Variants in MACROD2 observed in about 807,000 individuals in gnomAD.
MACROD2 encodes the protein mono-ADP ribosylhydrolase 2.
In MACROD2, 36 loss-of-function variants were observed where a neutral mutation model predicts 70.4. That is an observed-to-expected ratio of 0.51 (90% confidence interval 0.39 to 0.68). MACROD2 has a LOEUF of 0.68. MACROD2 is among the 30% of genes least tolerant of loss of function. The pLI is 0.00. For synonymous variants in MACROD2, 172 were observed against 178.8 expected (o/e 0.96, Z 0.30); for missense variants, 496 against 538.4 (o/e 0.92, Z 0.78).
intron 3 of MACROD2, among the ~76,000 whole-genome samples, chr20:14,173,028 T>G (rs2148725546): frequency 6.6e-6 from 1 of 152,284 alleles, no homozygotes. Context: ...ATCTGGTAGG[T>G]TTTCTTTTAT....
intron 15 of MACROD2, among the ~76,000 whole-genome samples, chr20:16,025,195 G>A (rs751387796): frequency 1.3e-5 from 2 of 152,170 alleles, no homozygotes; most frequent in Non-Finnish European, 2.9e-5. Flanking sequence ...GAGGTTAAAT[G>A]TCAGTAGCTA....
intron 6 of MACROD2, among the ~76,000 whole-genome samples, chr20:15,336,417 T>C (rs189849515): frequency 4.0e-4 from 61 of 151,562 alleles, no homozygotes; most frequent in South Asian, 1.7e-3. Flanking sequence ...TGATCTTTTG[T>C]TTACTGTAAA....
intron 7 of MACROD2, among the ~76,000 whole-genome samples, chr20:15,443,782 T>C (rs1172630334): frequency 2.0e-5 from 3 of 152,102 alleles, no homozygotes; most frequent in African/African-American, 7.2e-5. Flanking sequence ...CTCTCCAATG[T>C]AAGGAGGCTA....
At chr20:14,721,249 C>A (rs2071465442) in intron 5 of MACROD2, among the ~76,000 whole-genome samples, 4 of 123,648 alleles carry the variant, frequency 3.2e-5, no homozygotes, top group Admixed American at 1.7e-4. Flanking sequence ...AGCAAGACCC[C>A]ATCTCAAAAA....
chr20:14,007,232 T>C (rs1325089096), intron 2 of MACROD2, among the ~76,000 whole-genome samples: 3 of 152,198 alleles, frequency 2.0e-5, no homozygotes, highest in Non-Finnish European at 2.9e-5. Context: ...TGCAGTACGG[T>C]TTATAAAGGA....
intron 8 of MACROD2, among the ~76,000 whole-genome samples, chr20:15,587,473 G>A (rs946738292): frequency 2.0e-5 from 3 of 152,098 alleles, no homozygotes; most frequent in Admixed American, 2.0e-4. Context: ...GTCCCCCAAA[G>A]TCTTAACTCA....
chr20:14,301,531 A>G (rs2082475195), intron 3 of MACROD2, among the ~76,000 whole-genome samples: 1 of 152,180 alleles, frequency 6.6e-6, no homozygotes. Context: ...AACAAAGATC[A>G]AGTATGAAAA....
rs1177694456 is a variant in MACROD2 at position 15,972,984 on chromosome 20, T to C, written c.985+5354T>C. On this transcript the variant is annotated intron_variant, in intron 13 of 17. Transcript: ENST00000684519. ...CAAGTTCAAAAAGCAGGAAAAAAAT[T>C]AACATTTAGAAAGGCTTGTTTAGGT... 2.0e-5 allele frequency among the ~76,000 whole-genome samples: 3 copies of C among 152,140 alleles called. No individual in the cohort carries two copies. In the East Asian group the frequency reaches 5.8e-4, roughly 29 times the overall value.
chr20:16,004,247 T>C (rs2066756000), intron 15 of MACROD2, among the ~76,000 whole-genome samples: 1 of 152,108 alleles, frequency 6.6e-6, no homozygotes, highest in Admixed American at 6.5e-5. Context: ...GCATATGCCC[T>C]CTTTGTGGTC....
chr20:14,536,808 G>C (rs1216969376), intron 4 of MACROD2, among the ~76,000 whole-genome samples: 1 of 152,206 alleles, frequency 6.6e-6, no homozygotes, highest in Non-Finnish European at 1.5e-5. Flanking sequence ...TTGGCAAAAT[G>C]ACTTGGTGCC....
intron 5 of MACROD2, among the ~76,000 whole-genome samples, chr20:15,117,530 T>C (rs1346466445): frequency 6.6e-6 from 1 of 151,878 alleles, no homozygotes; most frequent in Non-Finnish European, 1.5e-5. Flanking sequence ...AAATGGACAA[T>C]CCTTGACTTT....
intron 3 of MACROD2, among the ~76,000 whole-genome samples, chr20:14,380,360 G>A (rs1435723057): frequency 6.6e-6 from 1 of 151,954 alleles, no homozygotes; most frequent in African/African-American, 2.4e-5. Flanking sequence ...CATTTAATAG[G>A]TTGTCTTTTC....
At chr20:16,046,764 TTCACC>T (rs1478662192) in intron 17 of MACROD2, among the ~76,000 whole-genome samples, 1 of 143,986 alleles carries the variant, frequency 6.9e-6, no homozygotes, top group East Asian at 2.1e-4. Flanking sequence ...TACTGCAAAC[TTCACC>T]TCCCTGTTTC....
intron 4 of MACROD2, among the ~76,000 whole-genome samples, chr20:14,525,695 G>A (rs1600341129): frequency 1.3e-5 from 2 of 152,348 alleles, no homozygotes; most frequent in Admixed American, 1.3e-4. Context: ...GAGAAGCAGT[G>A]CCCTAATCTG....
At chr20:14,624,519 G>A (rs372872227) in intron 4 of MACROD2, among the ~76,000 whole-genome samples, 190 of 152,300 alleles carry the variant, frequency 1.2e-3, no homozygotes, top group African/African-American at 4.2e-3. Flanking sequence ...GAACCATAGG[G>A]TTAGGAGCAA....
At chr20:15,732,544 A>G (rs1258827340) in intron 8 of MACROD2, among the ~76,000 whole-genome samples, 5 of 152,200 alleles carry the variant, frequency 3.3e-5, no homozygotes, top group East Asian at 3.9e-4. Flanking sequence ...TGTCTCTACT[A>G]ATTAACCGTG....
chr20:15,098,898 C>T (rs564385613), intron 5 of MACROD2, among the ~76,000 whole-genome samples: 2 of 152,176 alleles, frequency 1.3e-5, no homozygotes, highest in Non-Finnish European at 2.9e-5. Flanking sequence ...TAATTTTCTC[C>T]GTAGAAAATT....
intron 3 of MACROD2, among the ~76,000 whole-genome samples, chr20:14,407,006 T>A (rs902287062): frequency 5.3e-5 from 8 of 152,084 alleles, no homozygotes; most frequent in African/African-American, 1.9e-4. Context: ...TGAGAAACTG[T>A]ATTGCATCCT....
At chr20:15,654,880 T>C (rs935220063) in intron 8 of MACROD2, among the ~76,000 whole-genome samples, 1 of 152,042 alleles carries the variant, frequency 6.6e-6, no homozygotes, top group African/African-American at 2.4e-5. Context: ...GCCCATGCTT[T>C]CCCCCATATA....
Sources: allele counts gnomAD v4.1 joint callset (sites outside exome capture counted in the v4.1 genomes callset), GRCh38; gene constraint gnomAD v4.1.1; transcripts MANE v1.5; gene names NCBI Gene and HGNC (gene_info 2026-07-23, HGNC 2026-07-21).